The following HLTF variants were observed in gnomAD, a reference collection of about 807,000 sequenced individuals.
HLTF encodes the protein helicase like transcription factor, also known as DNA-dependent ATPase/E3 ubiquitin-protein ligase HLTF.
In HLTF, 127 loss-of-function variants were observed where a neutral mutation model predicts 129.4. The observed-to-expected ratio is 0.98, with a 90% CI of 0.85 to 1.14. HLTF has a LOEUF of 1.14. Among genes scored for constraint, HLTF ranks in the 50% most tolerant of loss-of-function variants. The pLI is 0.00. For missense variants in HLTF, 1,139 were observed against 1,187.1 expected (o/e 0.96, Z 0.60); for synonymous variants, 332 against 388.8 (o/e 0.85, Z 1.72).
intron 23 of HLTF, among the ~76,000 whole-genome samples, chr3:149,035,690 T>TTTAACAGTCAGTC (rs1553736520): frequency 4.9e-5 from 7 of 142,004 alleles, no homozygotes; most frequent in African/African-American, 1.5e-4. Flanking sequence ...AAAAGGGGGT[T>TTTAACAGTCAGTC]TTAAGAGTCA....
At chr3:149,079,373 TAAAAAAAAAAAAAAAAAAAAAAAAA>T (rs71135659) in intron 2 of HLTF, among the ~76,000 whole-genome samples, 658 of 57,262 alleles carry the variant, frequency 0.011, 25 homozygotes, top group African/African-American at 0.038. Flanking sequence ...CGACAGTTTC[TAAAAAAAAAAAAAAAAAAAAAAAAA>T]AAAAAAAAAA....
chr3:149,056,393 G>A (rs1336212327), intron 13 of HLTF, among the ~76,000 whole-genome samples: 1 of 152,292 alleles, frequency 6.6e-6, no homozygotes, highest in East Asian at 1.9e-4. Flanking sequence ...CCTTACCAAT[G>A]GAGTATCTTC....
intron 2 of HLTF, among the ~76,000 whole-genome samples, chr3:149,079,438 A>G (rs2108067283): frequency 7.3e-6 from 1 of 137,416 alleles, no homozygotes; most frequent in African/African-American, 2.6e-5. Flanking sequence ...AAAATTTTTA[A>G]GTATAATTTT....
rs2290725 is a variant in HLTF, at chr3:149,041,538, T to C, written c.2328A>G (p.Ala776=). The C allele has an allele frequency of 0.31, 505,250 of 1,611,548 alleles. 79,840 individuals are homozygous for C. The highest frequency in any genetic ancestry group is 0.34 in the Admixed American group (20,409 of 59,956). The part of the protein sequence containing the change: ...SLTVPVITHC[A]HVFCKPCICQ... ...AAATACAGGGTTTACAAAATACATG[T>C]GCACAATGTGTTATCACAGGAACTG... Residue 776 remains alanine (A), a synonymous_variant, in exon 20 of 25, where the codon GCA becomes GCG. Transcript: ENST00000310053.
chr3:149,071,835 T>C (rs1473199839), intron 5 of HLTF, among the ~76,000 whole-genome samples, 178 bp from the exon 6 acceptor site: 1 of 152,102 alleles, frequency 6.6e-6, no homozygotes, highest in African/African-American at 2.4e-5. Flanking sequence ...TCACTTGAGC[T>C]CAGGAGTTTG....
Position 149,086,505 on chromosome 3 carries a change from G to C in HLTF, c.-169C>G, listed in dbSNP as rs1720446705. The C allele has an allele frequency of 1.5e-6, 1 of 664,292 alleles. No individual in the cohort carries two copies. The highest frequency in any genetic ancestry group is 2.6e-6 in the Non-Finnish European group (1 of 384,492). 41.1% of individuals were successfully genotyped at this position (664,292 alleles called of 1,614,324 possible). A position where few individuals can be genotyped will look rare whatever the true frequency, so the allele number is the denominator to read the frequency against. The stretch of plus-strand genomic sequence containing the variant: ...TAAGTCGCCGCGAGTCCAGTCAGAC[G>C]TCGACGCCGTCTCCTTCTGCAACAA... On this transcript the variant is annotated 5_prime_UTR_variant, in exon 1 of 25. Coordinates refer to ENST00000310053, the MANE Select transcript of HLTF (RefSeq NM_003071.4).
intron 24 of HLTF, 111 bp downstream of exon 24, chr3:149,034,807 T>G (rs1361123882): frequency 2.8e-6 from 2 of 708,780 alleles, no homozygotes; most frequent in African/African-American, 3.6e-5. Flanking sequence ...AGGTGACTTA[T>G]ATTTTGCTCT....
chr3:149,039,940 T>C lies in HLTF; in HGVS notation c.2502+91A>G, dbSNP rs143482043. The C allele has an allele frequency of 2.3e-4, 271 of 1,164,010 alleles. No homozygotes were observed. The East Asian group carries it at 6.0e-3, about 26-fold the overall frequency. 72.1% of individuals were successfully genotyped at this position (1,164,010 alleles called of 1,614,324 possible). On this transcript the variant is annotated intron_variant, in intron 21 of 24. Coordinates refer to ENST00000310053, the MANE Select transcript of HLTF (RefSeq NM_003071.4). Reference sequence around the variant, plus strand: ...CAACAGAACACTAAAATGACAGGAATGAAAGCAGAATTACGATTTTGATAT... The same window carrying C: ...CAACAGAACACTAAAATGACAGGAACGAAAGCAGAATTACGATTTTGATAT...
At chr3:149,086,183 A>G in intron 1 of HLTF, 134 bp downstream of exon 1, 1 of 954,166 alleles carries the variant, frequency 1.0e-6, no homozygotes, top group Non-Finnish European at 1.7e-6. Context: ...CGGCGGCCAC[A>G]TATGCGACCA....
At chr3:149,063,129 A>C (rs1295276530) in intron 10 of HLTF, 1 of 461,256 alleles carries the variant, frequency 2.2e-6, no homozygotes, top group Non-Finnish European at 4.3e-6. Flanking sequence ...GTGCGATCTT[A>C]ACTCACTGCA....
At position 149,060,867 on chromosome 3, in the gene HLTF, A is replaced by C; in HGVS notation, c.1161-9T>G. ...GGACAGCAGTTTTTCTTCTAAAATTAAGTATACACAAAGAAATTTTTGGAC... is the reference window on the plus strand; with the variant it reads ...GGACAGCAGTTTTTCTTCTAAAATTCAGTATACACAAAGAAATTTTTGGAC... On this transcript the variant is annotated splice_polypyrimidine_tract_variant and intron_variant, in intron 10 of 24. Transcript: ENST00000310053. 2 of 1,588,432 alleles carry C rather than the reference A, an allele frequency of 1.3e-6. No individual in the cohort carries two copies. Among genetic ancestry groups the C allele is most frequent in the Non-Finnish European group, 1.7e-6 (2 of 1,162,518 alleles).
At chr3:149,039,926 T>C in intron 21 of HLTF, 105 bp downstream of exon 21, 1 of 1,060,356 alleles carries the variant, frequency 9.4e-7, no homozygotes. Flanking sequence ...AACAGAACAC[T>C]AAAATGACAG....
At position 149,031,152 on chromosome 3, in the gene HLTF, A is replaced by G. The variant is rs1205766764; in HGVS notation, c.*1068T>C. On this transcript the variant is annotated 3_prime_UTR_variant, in exon 25 of 25. Transcript: ENST00000310053. ...CAGCAAATAAGTTTGCTTATTAACA[A>G]AAAAGTAAAAAAAAAAGAAAAGAAA... 1 of 152,388 alleles carries G rather than the reference A, an allele frequency of 6.6e-6. No homozygotes were observed. Among genetic ancestry groups the G allele is most frequent in the Non-Finnish European group, 1.5e-5 (1 of 68,030 alleles). 9.4% of individuals were successfully genotyped at this position (152,388 alleles called of 1,614,324 possible).
chr3:149,080,583 T>C (rs905612637), intron 2 of HLTF, among the ~76,000 whole-genome samples: 11 of 152,138 alleles, frequency 7.2e-5, no homozygotes, highest in African/African-American at 2.7e-4. Context: ...ATGCAAATCC[T>C]AGAAAATACA....
chr3:149,076,993 G>GC (rs1719416135), intron 2 of HLTF, among the ~76,000 whole-genome samples: 1 of 151,976 alleles, frequency 6.6e-6, no homozygotes, highest in Admixed American at 6.6e-5. Flanking sequence ...AGTAGCTCAC[G>GC]CCCCCAGCAC....
chr3:149,046,314 C>T (rs1716548524), intron 17 of HLTF, 55 bp from the exon 18 acceptor site: 1 of 949,862 alleles, frequency 1.1e-6, no homozygotes, highest in South Asian at 1.9e-5. Context: ...ATAAATTGAT[C>T]CAAGAAGAAC....
intron 7 of HLTF, 146 bp downstream of exon 7, chr3:149,071,106 C>T (rs746671): frequency 0.79 from 394,236 of 499,252 alleles, 157,064 homozygotes; most frequent in African/African-American, 0.96. Flanking sequence ...CTAAAAACTA[C>T]AGGAAAAACT....
chr3:149,042,388 T>C, intron 18 of HLTF, 98 bp from the exon 19 acceptor site: 1 of 981,082 alleles, frequency 1.0e-6, no homozygotes, highest in East Asian at 2.6e-5. Flanking sequence ...TTTTCTTCTC[T>C]AGAAATTACT....
At chr3:149,060,617 AT>A (rs1235437287) in intron 12 of HLTF, 25 bp downstream of exon 12, 1 of 1,548,086 alleles carries the variant, frequency 6.5e-7, no homozygotes, top group Admixed American at 1.7e-5. Flanking sequence ...TGAAGTCTAG[AT>A]TATGGGTATA....
Sources: allele counts gnomAD v4.1 joint callset (sites outside exome capture counted in the v4.1 genomes callset), GRCh38; gene constraint gnomAD v4.1.1; transcripts MANE v1.5; gene names NCBI Gene and HGNC (gene_info 2026-07-23, HGNC 2026-07-21).